Variants in PACRG observed in about 807,000 individuals in gnomAD.
PACRG encodes the protein parkin coregulated, also known as parkin coregulated gene protein.
In PACRG, 29 loss-of-function variants were observed where a neutral mutation model predicts 29.7. The ratio of observed to expected loss-of-function variants is 0.98; its 90% CI spans 0.73 to 1.33. The LOEUF (loss-of-function observed/expected upper bound fraction) is 1.33, where lower values mean the gene tolerates loss of function less well. PACRG is among the 40% of genes most tolerant of loss of function. The pLI is 0.00. For synonymous variants in PACRG, 116 were observed against 118.7 expected (o/e 0.98, Z 0.15); for missense variants, 279 against 316.2 (o/e 0.88, Z 0.89).
At position 163,269,964 on chromosome 6, in the gene PACRG, AAAG is replaced by A. The variant is rs531878714; in HGVS notation, c.614-44860_614-44858del. ...GAAAGAAAGAAAGAAAGAAAGAAAG[AAAG>A]AAAGAAAGAAAGAAAGAAAGAAAGA... On this transcript the variant is annotated intron_variant, in intron 4 of 4. Transcript: ENST00000366888. Among the ~76,000 whole-genome samples the A allele has an allele frequency of 2.7e-3, 222 of 82,902 alleles. 1 individual carries two copies. The highest frequency in any genetic ancestry group is 5.6e-3 in the Middle Eastern group (1 of 178). 54.4% of individuals were successfully genotyped at this position (82,902 alleles called of 152,430 possible). A position where few individuals can be genotyped will look rare whatever the true frequency, so the allele number is the denominator to read the frequency against.
At chr6:162,880,497 C>T (rs1793742330) in intron 2 of PACRG, among the ~76,000 whole-genome samples, 1 of 152,218 alleles carries the variant, frequency 6.6e-6, no homozygotes. Context: ...AGAATGAGTT[C>T]CTTGTAGTGT....
chr6:163,032,295 T>C (rs1361158849), intron 2 of PACRG, among the ~76,000 whole-genome samples: 1 of 152,184 alleles, frequency 6.6e-6, no homozygotes, highest in Non-Finnish European at 1.5e-5. Context: ...AGTTAACTTC[T>C]GTTTGATATT....
At chr6:162,749,998 C>G (rs189463135) in intron 1 of PACRG, among the ~76,000 whole-genome samples, 19 of 152,298 alleles carry the variant, frequency 1.2e-4, no homozygotes, top group African/African-American at 4.3e-4. Flanking sequence ...TTTTTCCACT[C>G]ATGTATATTT....
intron 3 of PACRG, among the ~76,000 whole-genome samples, chr6:163,066,144 A>C (rs1811523150): frequency 6.6e-6 from 1 of 152,228 alleles, no homozygotes; most frequent in Non-Finnish European, 1.5e-5. Flanking sequence ...TTTGCCAAAA[A>C]CTTTAAATTA....
At chr6:162,768,738 G>A (rs1458667564) in intron 1 of PACRG, among the ~76,000 whole-genome samples, 2 of 151,458 alleles carry the variant, frequency 1.3e-5, no homozygotes, top group African/African-American at 4.8e-5. Flanking sequence ...TATGGGGGGT[G>A]TTACCTGTCC....
At chr6:162,739,877 A>C (rs1780443580) in intron 1 of PACRG, among the ~76,000 whole-genome samples, 1 of 151,640 alleles carries the variant, frequency 6.6e-6, no homozygotes, top group African/African-American at 2.4e-5. Context: ...GCCTAGTTTC[A>C]AAAGAATTTT....
intron 1 of PACRG, among the ~76,000 whole-genome samples, chr6:162,808,551 A>G (rs1786558615): frequency 6.6e-6 from 1 of 152,210 alleles, no homozygotes; most frequent in South Asian, 2.1e-4. Context: ...TTTTGTGACC[A>G]TATGATGGAC....
intron 2 of PACRG, among the ~76,000 whole-genome samples, chr6:162,820,689 A>G (rs889065843): frequency 6.6e-6 from 1 of 152,192 alleles, no homozygotes; most frequent in Non-Finnish European, 1.5e-5. Flanking sequence ...GGTAAAACTG[A>G]TATTGACTTT....
At chr6:162,787,683 A>G (rs1784616721) in intron 1 of PACRG, among the ~76,000 whole-genome samples, 1 of 145,254 alleles carries the variant, frequency 6.9e-6, no homozygotes. Context: ...ATATTTGTCT[A>G]TTATTATAAA....
intron 1 of PACRG, among the ~76,000 whole-genome samples, chr6:162,750,654 G>A (rs745529306): frequency 6.6e-6 from 1 of 152,122 alleles, no homozygotes; most frequent in Non-Finnish European, 1.5e-5. Flanking sequence ...TCTTCATATA[G>A]TCACTGCCAG....
At chr6:162,841,338 C>A (rs1034211596) in intron 2 of PACRG, among the ~76,000 whole-genome samples, 1 of 150,568 alleles carries the variant, frequency 6.6e-6, no homozygotes, top group Admixed American at 6.6e-5. Context: ...GTGTATGTGT[C>A]GAGGAATTTA....
Position 162,737,496 on chromosome 6 carries a change from A to T in PACRG, c.156+9105A>T, listed in dbSNP as rs181157933. Among the ~76,000 whole-genome samples, 1,021 of 152,234 alleles carry T rather than the reference A, an allele frequency of 6.7e-3. 5 individuals carry two copies. Among genetic ancestry groups the T allele is most frequent in the African/African-American group, 0.023 (976 of 41,558 alleles). On this transcript the variant is annotated intron_variant, in intron 1 of 4. Coordinates refer to ENST00000366888, the MANE Select transcript of PACRG (RefSeq NM_001080379.2). ...AAAGACATTTATTATGTAATATTTT[A>T]TTCCCCATTGCTTTGTGTGTTCTTT...
rs370031649 is a variant in PACRG at position 162,831,117 on chromosome 6, C to T, written c.291+16836C>T. On this transcript the variant is annotated intron_variant, in intron 2 of 4. Coordinates refer to ENST00000366888, the MANE Select transcript of PACRG (RefSeq NM_001080379.2). ...TTTAAACCCAGAAGAGTGCAACTTT[C>T]ATGATGGTATTTGGAGCACGGAGGC... is the stretch of plus-strand genomic sequence containing the variant. Among the ~76,000 whole-genome samples, 158 of 152,158 alleles carry T rather than the reference C, an allele frequency of 1.0e-3. 1 individual carries two copies. The highest frequency in any genetic ancestry group is 3.7e-3 in the African/African-American group (153 of 41,528).
At chr6:163,272,953 G>A (rs1209295609) in intron 4 of PACRG, among the ~76,000 whole-genome samples, 17 of 131,788 alleles carry the variant, frequency 1.3e-4, no homozygotes, top group Non-Finnish European at 1.1e-4. Context: ...GTGCAGTGGC[G>A]GGATCTCGGC....
At chr6:162,885,235 C>CT (rs36030258) in intron 2 of PACRG, among the ~76,000 whole-genome samples, 38,165 of 141,550 alleles carry the variant, frequency 0.27, 6,097 homozygotes, top group African/African-American at 0.44. Flanking sequence ...TTTGAGTAAC[C>CT]TTTTTTTTTT....
chr6:162,750,774 A>G (rs1781451551), intron 1 of PACRG, among the ~76,000 whole-genome samples: 1 of 152,222 alleles, frequency 6.6e-6, no homozygotes, highest in African/African-American at 2.4e-5. Context: ...TTGCTCAGCA[A>G]TATGGAAGTC....
intron 1 of PACRG, among the ~76,000 whole-genome samples, chr6:162,753,996 A>G (rs1781710598): frequency 1.3e-5 from 2 of 152,180 alleles, no homozygotes; most frequent in Non-Finnish European, 1.5e-5. Context: ...CTTATGATGT[A>G]TACTCAGAAG....
intron 4 of PACRG, among the ~76,000 whole-genome samples, chr6:163,223,970 C>G (rs1035474930): frequency 1.3e-5 from 2 of 152,166 alleles, no homozygotes; most frequent in Admixed American, 1.3e-4. Context: ...GAATGCTATC[C>G]TTATCAAAAT....
intron 2 of PACRG, among the ~76,000 whole-genome samples, chr6:162,876,203 A>C (rs1335656645): frequency 1.3e-5 from 2 of 152,092 alleles, no homozygotes; most frequent in African/African-American, 2.4e-5. Context: ...ACCTCATTGT[A>C]GGTGGATTTG....
Sources: allele counts gnomAD v4.1 joint callset (sites outside exome capture counted in the v4.1 genomes callset), GRCh38; gene constraint gnomAD v4.1.1; transcripts MANE v1.5; gene names NCBI Gene and HGNC (gene_info 2026-07-23, HGNC 2026-07-21).